GABRB1: variants seen among roughly 807,000 people sequenced by gnomAD.
GABRB1 encodes the protein gamma-aminobutyric acid receptor subunit beta-1.
Under a neutral mutation model 51.6 loss-of-function variants are expected in GABRB1, and 17 were observed. The observed-to-expected ratio is 0.33, with a 90% CI of 0.23 to 0.49. The LOEUF is 0.49. GABRB1 is among the 20% of genes least tolerant of loss of function. The probability of loss-of-function intolerance (pLI) is 0.99; values close to 1 mark genes in which losing one functional copy is unlikely to be tolerated. For synonymous variants in GABRB1, 247 were observed against 218.9 expected (o/e 1.13, Z -1.14); for missense variants, 410 against 600.6 (o/e 0.68, Z 3.32).
chr4:47,043,726 T>A (rs1218104182), intron 3 of GABRB1, among the ~76,000 whole-genome samples: 2 of 152,080 alleles, frequency 1.3e-5, no homozygotes, highest in Non-Finnish European at 2.9e-5. Context: ...TGGGACCCTA[T>A]CTGTACAATA....
Position 47,127,836 on chromosome 4 carries a change from T to C in GABRB1, c.241-33413T>C, listed in dbSNP as rs1435099329. Among the ~76,000 whole-genome samples the C allele has an allele frequency of 2.6e-5, 4 of 151,914 alleles. No homozygotes were observed. In the East Asian group the frequency reaches 5.8e-4, roughly 22 times the overall value. ...AATTAAAGATTCATATTGTGAACTATAAAGCAACCACTTAAAAAGTTAATT... is the reference window on the plus strand; with the variant it reads ...AATTAAAGATTCATATTGTGAACTACAAAGCAACCACTTAAAAAGTTAATT... On this transcript the variant is annotated intron_variant, in intron 3 of 8. Coordinates refer to ENST00000295454, the MANE Select transcript of GABRB1 (RefSeq NM_000812.4).
chr4:47,065,456 C>T (rs1727035507), intron 3 of GABRB1, among the ~76,000 whole-genome samples: 1 of 152,182 alleles, frequency 6.6e-6, no homozygotes, highest in Admixed American at 6.5e-5. Context: ...ATGATAGCTC[C>T]ATTCACAAAC....
chr4:47,278,670 A>G (rs998561291), intron 4 of GABRB1, among the ~76,000 whole-genome samples: 2 of 152,162 alleles, frequency 1.3e-5, no homozygotes, highest in African/African-American at 4.8e-5. Flanking sequence ...CCTGCTGATC[A>G]TACGTTTCCA....
chr4:47,057,320 G>A (rs1726656906), intron 3 of GABRB1, among the ~76,000 whole-genome samples: 1 of 152,178 alleles, frequency 6.6e-6, no homozygotes, highest in East Asian at 1.9e-4. Context: ...TTAAATAGCA[G>A]ACATTTGTGA....
chr4:47,159,500 C>G (rs1450545254), intron 3 of GABRB1, among the ~76,000 whole-genome samples: 1 of 74,878 alleles, frequency 1.3e-5, no homozygotes, highest in African/African-American at 6.5e-5. Context: ...TGTAAGTAGC[C>G]TGAGGGTTAT....
At chr4:47,099,153 A>G (rs1434039188) in intron 3 of GABRB1, among the ~76,000 whole-genome samples, 1 of 152,112 alleles carries the variant, frequency 6.6e-6, no homozygotes, top group Non-Finnish European at 1.5e-5. Context: ...ATCAAAGAAC[A>G]AACAAAGCAA....
rs140205846 is a variant in GABRB1 at position 47,324,372 on chromosome 4, C to T, written c.544+4163C>T. Among the ~76,000 whole-genome samples the T allele has an allele frequency of 2.0e-5, 3 of 152,238 alleles. No individual in the cohort carries two copies. In the East Asian group the frequency reaches 5.8e-4, roughly 29 times the overall value. On this transcript the variant is annotated intron_variant, in intron 5 of 8. Transcript: ENST00000295454. ...CACACATACCTCACCCCTGAGCTCTCAGATCCTCAATCCTGCCCTGTCTAC... is the reference window on the plus strand; with the variant it reads ...CACACATACCTCACCCCTGAGCTCTTAGATCCTCAATCCTGCCCTGTCTAC...
At chr4:47,121,292 C>A (rs1048353066) in intron 3 of GABRB1, among the ~76,000 whole-genome samples, 3 of 152,112 alleles carry the variant, frequency 2.0e-5, no homozygotes, top group Non-Finnish European at 2.9e-5. Context: ...TTTCTTCTTC[C>A]AAGCACATAG....
chr4:47,372,962 T>G (rs2110020750), intron 5 of GABRB1, among the ~76,000 whole-genome samples: 1 of 152,286 alleles, frequency 6.6e-6, no homozygotes, highest in East Asian at 1.9e-4. Flanking sequence ...ACCAAACCTC[T>G]TTCTGCTGGA....
In GABRB1 at chr4:47,221,583, T is replaced by C. The variant is rs117980388; in HGVS notation, c.461+60114T>C. Among the ~76,000 whole-genome samples the C allele has an allele frequency of 1.1e-4, 16 of 152,070 alleles. No homozygotes were observed. The East Asian group carries it at 3.1e-3, about 29-fold the overall frequency. ...AAACTATACTAGATGGGAATTGATA[T>C]ATAACTAATTCTCATTATTCATGGT... On this transcript the variant is annotated intron_variant, in intron 4 of 8. Coordinates refer to ENST00000295454, the MANE Select transcript of GABRB1 (RefSeq NM_000812.4).
At chr4:47,151,157 C>A (rs547325688) in intron 3 of GABRB1, among the ~76,000 whole-genome samples, 1 of 151,864 alleles carries the variant, frequency 6.6e-6, no homozygotes, top group Non-Finnish European at 1.5e-5. Flanking sequence ...CAAATGGGCC[C>A]AATAGAGTCC....
intron 4 of GABRB1, among the ~76,000 whole-genome samples, chr4:47,243,758 G>C (rs1701233031): frequency 6.6e-6 from 1 of 152,174 alleles, no homozygotes; most frequent in Non-Finnish European, 1.5e-5. Context: ...TGCTGAAGTT[G>C]CTTATCAGCT....
At chr4:47,094,092 C>T (rs1256486026) in intron 3 of GABRB1, among the ~76,000 whole-genome samples, 1 of 151,718 alleles carries the variant, frequency 6.6e-6, no homozygotes, top group East Asian at 1.9e-4. Context: ...GGAAATATTT[C>T]TCTTCTAGCC....
In GABRB1 at chr4:47,244,095, G is replaced by T. The variant is rs71404778; in HGVS notation, c.462-76032G>T. Among the ~76,000 whole-genome samples, 244 of 152,182 alleles carry T rather than the reference G, an allele frequency of 1.6e-3. 2 individuals carry two copies. Among genetic ancestry groups the T allele is most frequent in the African/African-American group, 5.2e-3 (214 of 41,552 alleles). On this transcript the variant is annotated intron_variant, in intron 4 of 8. Coordinates refer to ENST00000295454, the MANE Select transcript of GABRB1 (RefSeq NM_000812.4). ...TTTATTGAGAGTTTTTAGCATGAAG[G>T]GCTGTTGAATTTTGTCGAAGGCCTT...
intron 1 of GABRB1, among the ~76,000 whole-genome samples, chr4:47,023,074 A>T (rs1485005304): frequency 1.3e-5 from 2 of 152,114 alleles, no homozygotes; most frequent in African/African-American, 4.8e-5. Flanking sequence ...ATCCAGGGAC[A>T]GAAAGACAAA....
intron 4 of GABRB1, among the ~76,000 whole-genome samples, chr4:47,254,860 A>T (rs1284742945): frequency 6.6e-6 from 1 of 152,322 alleles, no homozygotes; most frequent in Admixed American, 6.5e-5. Context: ...TACTTTAAAA[A>T]TTATTTGTAG....
At chr4:47,344,376 T>G (rs1337707445) in intron 5 of GABRB1, among the ~76,000 whole-genome samples, 1 of 152,214 alleles carries the variant, frequency 6.6e-6, no homozygotes, top group Admixed American at 6.5e-5. Context: ...CCATATATTG[T>G]CATGTGCCAT....
At chr4:47,331,554 G>T (rs940065417) in intron 5 of GABRB1, among the ~76,000 whole-genome samples, 4 of 151,996 alleles carry the variant, frequency 2.6e-5, no homozygotes, top group Admixed American at 1.3e-4. Context: ...TTGGTGTCAT[G>T]ATGGATGACC....
chr4:47,021,259 A>T (rs1364534979), intron 1 of GABRB1, among the ~76,000 whole-genome samples: 1 of 152,140 alleles, frequency 6.6e-6, no homozygotes, highest in African/African-American at 2.4e-5. Context: ...CATCTATTCA[A>T]CAAGCATTTA....
Sources: allele counts gnomAD v4.1 joint callset (sites outside exome capture counted in the v4.1 genomes callset), GRCh38; gene constraint gnomAD v4.1.1; transcripts MANE v1.5; gene names NCBI Gene and HGNC (gene_info 2026-07-23, HGNC 2026-07-21).